EXOC6B: variants seen among roughly 807,000 people sequenced by gnomAD.
EXOC6B encodes the protein exocyst complex component 6B, also known as SEC15 homolog B.
In EXOC6B, 54 loss-of-function variants were observed where a neutral mutation model predicts 113.5. That is an observed-to-expected ratio of 0.48 (90% CI 0.38 to 0.60). EXOC6B has a LOEUF of 0.60. Ranked by LOEUF, EXOC6B falls within the 20% of genes least tolerant of loss-of-function variation. EXOC6B has a pLI of 0.00. For missense variants in EXOC6B, 797 were observed against 977.5 expected, an observed-to-expected ratio of 0.82 and a Z score of 2.46; for synonymous variants, 357 against 339.0, an observed-to-expected ratio of 1.05 and a Z score of -0.58.
At chr2:72,763,421 GTTTT>G (rs1439663914) in intron 1 of EXOC6B, among the ~76,000 whole-genome samples, 1 of 148,474 alleles carries the variant, frequency 6.7e-6, no homozygotes, top group African/African-American at 2.5e-5. Flanking sequence ...ATTTGAACGT[GTTTT>G]TTCTTTTTTT....
At chr2:72,389,167 AAGTGTTCTTTATAATG>A (rs1219251876) in intron 18 of EXOC6B, among the ~76,000 whole-genome samples, 1 of 151,888 alleles carries the variant, frequency 6.6e-6, no homozygotes, top group African/African-American at 2.4e-5. Flanking sequence ...TATATTACTT[AAGTGTTCTTTATAATG>A]CTATTTTATT....
chr2:72,399,101 A>G (rs989028646), intron 18 of EXOC6B, among the ~76,000 whole-genome samples: 1 of 152,150 alleles, frequency 6.6e-6, no homozygotes, highest in Non-Finnish European at 1.5e-5. Context: ...CATCAAAAAT[A>G]TAATATAGCA....
At chr2:72,788,728 G>A (rs1684513846) in intron 1 of EXOC6B, among the ~76,000 whole-genome samples, 1 of 152,232 alleles carries the variant, frequency 6.6e-6, no homozygotes, top group Non-Finnish European at 1.5e-5. Flanking sequence ...AGCCTAGGAG[G>A]TCGAAGCTGC....
chr2:72,734,495 T>C (rs1680832452), intron 2 of EXOC6B, among the ~76,000 whole-genome samples: 1 of 152,196 alleles, frequency 6.6e-6, no homozygotes, highest in South Asian at 2.1e-4. Flanking sequence ...GGCTAGATGG[T>C]AAATATTTTA....
intron 18 of EXOC6B, among the ~76,000 whole-genome samples, chr2:72,407,968 A>G (rs1226219763): frequency 6.6e-6 from 1 of 152,288 alleles, no homozygotes; most frequent in African/African-American, 2.4e-5. Context: ...AGAAAACCCC[A>G]TCGTCTCAGC....
At chr2:72,506,848 T>G (rs543125308) in intron 11 of EXOC6B, among the ~76,000 whole-genome samples, 14 of 152,264 alleles carry the variant, frequency 9.2e-5, no homozygotes, top group Admixed American at 2.0e-4. Context: ...TTGATTAGTA[T>G]AGTTGAATCT....
At chr2:72,179,835 A>G (rs1677974194) in intron 21 of EXOC6B, among the ~76,000 whole-genome samples, 2 of 152,156 alleles carry the variant, frequency 1.3e-5, no homozygotes, top group Admixed American at 1.3e-4. Flanking sequence ...TCTAGGATCC[A>G]CTCATTACCT....
chr2:72,419,897 C>T (rs985677501), intron 18 of EXOC6B, among the ~76,000 whole-genome samples: 3 of 152,122 alleles, frequency 2.0e-5, no homozygotes, highest in Non-Finnish European at 2.9e-5. Flanking sequence ...TTTCCCCTTT[C>T]TCTCTTTTCC....
At chr2:72,719,882 C>T (rs1000071463) in intron 5 of EXOC6B, among the ~76,000 whole-genome samples, 16 of 152,058 alleles carry the variant, frequency 1.1e-4, no homozygotes, top group Non-Finnish European at 2.1e-4. Context: ...ATATGAAAGA[C>T]AAGTATTTTT....
chr2:72,191,930 G>A (rs1241187128), intron 20 of EXOC6B, among the ~76,000 whole-genome samples: 2 of 152,056 alleles, frequency 1.3e-5, no homozygotes, highest in East Asian at 1.9e-4. Context: ...CCATCCGGGG[G>A]GTACTTAAGT....
chr2:72,825,399 T>G lies in EXOC6B; in HGVS notation c.113+399A>C, dbSNP rs1686839747. 6.6e-6 allele frequency among the ~76,000 whole-genome samples: 1 copy of G among 152,214 alleles called. No individual in the cohort carries two copies. The highest frequency in any genetic ancestry group is 1.9e-4 in the East Asian group (1 of 5,194). On this transcript the variant is annotated intron_variant, in intron 1 of 21. Transcript: ENST00000272427. The surrounding 1 kb of genome is among the most constrained non-coding windows in gnomAD (Gnocchi z 4.4). ...AGCACTAGACCATGGAGTGAAATTC[T>G]GTGTTGTCTGAAGAGCAGGACTCCT...
intron 1 of EXOC6B, among the ~76,000 whole-genome samples, chr2:72,823,461 A>G (rs1395680231): frequency 8.2e-6 from 1 of 121,434 alleles, no homozygotes; most frequent in African/African-American, 4.0e-5. Flanking sequence ...AGTTTTAAGA[A>G]AAAAAAAAAA....
chr2:72,337,921 T>C (rs1688783562), intron 19 of EXOC6B, among the ~76,000 whole-genome samples: 1 of 152,178 alleles, frequency 6.6e-6, no homozygotes, highest in Non-Finnish European at 1.5e-5. Context: ...TTTAGTTAAA[T>C]AAGTTACACA....
chr2:72,423,068 G>T (rs1694996014), intron 18 of EXOC6B, among the ~76,000 whole-genome samples: 1 of 152,122 alleles, frequency 6.6e-6, no homozygotes, highest in Admixed American at 6.5e-5. Flanking sequence ...TTGGGTCCAC[G>T]CTGCTTTTAT....
intron 6 of EXOC6B, among the ~76,000 whole-genome samples, chr2:72,711,630 AAAT>A (rs1314986691): frequency 6.6e-6 from 1 of 152,138 alleles, no homozygotes; most frequent in Non-Finnish European, 1.5e-5. Flanking sequence ...TAACCACAAT[AAAT>A]AATAATAAAT....
Position 72,318,635 on chromosome 2 carries a change from A to T in EXOC6B, c.2196+16312T>A, listed in dbSNP as rs553489389. Among the ~76,000 whole-genome samples, 12 of 152,162 alleles carry T rather than the reference A, an allele frequency of 7.9e-5. 1 individual carries two copies. The South Asian group carries it at 2.5e-3, about 32-fold the overall frequency. Reference sequence around the variant, plus strand: ...TCAAACTCCTGACCTCAAGTAATCCACCCACCTCTAGTAGGTAACTTTTTA... The same window carrying T: ...TCAAACTCCTGACCTCAAGTAATCCTCCCACCTCTAGTAGGTAACTTTTTA... On this transcript the variant is annotated intron_variant, in intron 20 of 21. Coordinates refer to ENST00000272427, the MANE Select transcript of EXOC6B (RefSeq NM_015189.3).
intron 20 of EXOC6B, among the ~76,000 whole-genome samples, chr2:72,309,261 C>A (rs1572892960): frequency 6.6e-6 from 1 of 152,196 alleles, no homozygotes; most frequent in South Asian, 2.1e-4. Context: ...AATGATTTGG[C>A]TACTATAGGG....
At chr2:72,413,728 A>G (rs1156863698) in intron 18 of EXOC6B, among the ~76,000 whole-genome samples, 2 of 151,868 alleles carry the variant, frequency 1.3e-5, no homozygotes, top group Non-Finnish European at 1.5e-5. Flanking sequence ...GGGCCTCTCT[A>G]TGCTGTTCCA....
intron 8 of EXOC6B, among the ~76,000 whole-genome samples, chr2:72,527,510 C>T (rs1701800157): frequency 6.6e-6 from 1 of 151,934 alleles, no homozygotes; most frequent in African/African-American, 2.4e-5. Flanking sequence ...ATTATAAACA[C>T]TCCTGTGTAG....
Sources: allele counts gnomAD v4.1 joint callset (sites outside exome capture counted in the v4.1 genomes callset), GRCh38; gene constraint gnomAD v4.1.1; non-coding constraint Gnocchi (gnomAD v3.1); transcripts MANE v1.5; gene names NCBI Gene and HGNC (gene_info 2026-07-23, HGNC 2026-07-21).